MEGF11: variants seen among roughly 807,000 people sequenced by gnomAD.
MEGF11 encodes multiple EGF like domains 11.
Under a neutral mutation model 146.6 loss-of-function variants are expected in MEGF11, and 126 were observed. That is an observed-to-expected ratio of 0.86 (90% CI 0.74 to 1.00). The LOEUF is 1.00. Ranked by LOEUF, MEGF11 falls within the 50% of genes least tolerant of loss-of-function variation. MEGF11 has a pLI of 0.00. For missense variants in MEGF11, 1,509 were observed against 1,521.2 expected (o/e 0.99, Z 0.13); for synonymous variants, 532 against 583.4 (o/e 0.91, Z 1.27).
intron 1 of MEGF11, among the ~76,000 whole-genome samples, chr15:66,136,291 C>T (rs2088884767): frequency 6.6e-6 from 1 of 152,202 alleles, no homozygotes; most frequent in Non-Finnish European, 1.5e-5. Context: ...TTGCTGCCCA[C>T]CTCTCTGTCC....
chr15:66,165,509 G>A (rs999979545), intron 1 of MEGF11, among the ~76,000 whole-genome samples: 20 of 152,082 alleles, frequency 1.3e-4, no homozygotes, highest in African/African-American at 4.3e-4. Context: ...AAACTCTCTC[G>A]GTCCTTCTCT....
chr15:65,902,681 C>G (rs2078523967), intron 24 of MEGF11: 2 of 152,250 alleles, frequency 1.3e-5, no homozygotes, highest in South Asian at 4.1e-4. Flanking sequence ...ACCCAGGCTA[C>G]CCAAGCTCTG....
At chr15:66,078,374 C>A (rs1032513791) in intron 5 of MEGF11, among the ~76,000 whole-genome samples, 1 of 152,166 alleles carries the variant, frequency 6.6e-6, no homozygotes, top group Non-Finnish European at 1.5e-5. Flanking sequence ...TCACACTTGC[C>A]GTAGCCGAGT....
intron 10 of MEGF11, among the ~76,000 whole-genome samples, chr15:65,950,180 G>A (rs766698377): frequency 1.6e-4 from 25 of 152,204 alleles, no homozygotes; most frequent in Non-Finnish European, 3.4e-4. Context: ...AACAGCTAAT[G>A]CTTGTTGAAA....
intron 1 of MEGF11, among the ~76,000 whole-genome samples, chr15:66,250,209 C>G (rs1171566501): frequency 6.6e-6 from 1 of 152,246 alleles, no homozygotes; most frequent in Non-Finnish European, 1.5e-5. Flanking sequence ...AAGGTCACCA[C>G]TGCAGCTGCC....
chr15:65,961,293 T>C (rs991313329), intron 9 of MEGF11, among the ~76,000 whole-genome samples: 2 of 151,998 alleles, frequency 1.3e-5, no homozygotes, highest in African/African-American at 4.8e-5. Context: ...TGGTTTTTTC[T>C]TTTCTCCCAT....
intron 1 of MEGF11, among the ~76,000 whole-genome samples, chr15:66,232,460 A>G (rs970604606): frequency 6.6e-6 from 1 of 152,096 alleles, no homozygotes; most frequent in Non-Finnish European, 1.5e-5. Context: ...GCCTTGTGCC[A>G]TCTGAGCTCC....
In MEGF11 at chr15:66,160,302, G is replaced by C. The variant is rs1744123445; in HGVS notation, c.-8-31891C>G. Among the ~76,000 whole-genome samples the C allele has an allele frequency of 3.5e-5, 5 of 142,314 alleles. No homozygotes were observed. In the South Asian group the frequency reaches 6.6e-4, roughly 19 times the overall value. The allele number at this position is 142,314 out of a possible 152,430, so 93.4% of individuals were successfully genotyped here. ...CTCACTGCTTTCTGCCTAGAACGTG[G>C]ATGTGATACCTAAGGGTGCAGCAGC... On this transcript the variant is annotated intron_variant, in intron 1 of 25. Transcript: ENST00000395614.
chr15:66,020,849 A>AGGTGAGG (rs1328368060), intron 5 of MEGF11, among the ~76,000 whole-genome samples: 2 of 152,140 alleles, frequency 1.3e-5, no homozygotes, highest in African/African-American at 4.8e-5. Context: ...AAAGTTAGCC[A>AGGTGAGG]GGTGAGGTGG....
intron 8 of MEGF11, among the ~76,000 whole-genome samples, chr15:65,967,428 G>A (rs1371910042): frequency 6.6e-6 from 1 of 152,080 alleles, no homozygotes; most frequent in Non-Finnish European, 1.5e-5. Context: ...AGTAATCAGA[G>A]GGGAAAAGCA....
At chr15:66,242,670 T>C (rs925911904) in intron 1 of MEGF11, among the ~76,000 whole-genome samples, 2 of 152,146 alleles carry the variant, frequency 1.3e-5, no homozygotes, top group Non-Finnish European at 1.5e-5. Flanking sequence ...ACCACAATGC[T>C]GCACCATTCC....
At chr15:66,145,623 A>G (rs2089341537) in intron 1 of MEGF11, among the ~76,000 whole-genome samples, 1 of 152,196 alleles carries the variant, frequency 6.6e-6, no homozygotes, top group Non-Finnish European at 1.5e-5. Context: ...GTGAGAGGCT[A>G]CAATATGTGC....
chr15:66,071,370 A>G (rs1374788173), intron 5 of MEGF11, among the ~76,000 whole-genome samples: 1 of 152,178 alleles, frequency 6.6e-6, no homozygotes, highest in African/African-American at 2.4e-5. Flanking sequence ...ATCAGCTTCC[A>G]AGGTGCATGG....
At chr15:66,041,156 C>A (rs1008493463) in intron 5 of MEGF11, among the ~76,000 whole-genome samples, 2 of 152,170 alleles carry the variant, frequency 1.3e-5, no homozygotes, top group Admixed American at 6.5e-5. Context: ...AAGAAGCTGA[C>A]TTTTGAAAAT....
At chr15:65,948,996 A>G (rs2080296836) in intron 10 of MEGF11, among the ~76,000 whole-genome samples, 1 of 152,202 alleles carries the variant, frequency 6.6e-6, no homozygotes, top group South Asian at 2.1e-4. Flanking sequence ...CAATAGTGGG[A>G]GGTGAGGGGA....
intron 5 of MEGF11, among the ~76,000 whole-genome samples, chr15:66,066,011 A>T (rs1421535939): frequency 1.3e-5 from 2 of 152,150 alleles, no homozygotes; most frequent in East Asian, 1.9e-4. Flanking sequence ...TGAGACCTGA[A>T]AAAGCCATTT....
chr15:66,185,006 C>T (rs868726983), intron 1 of MEGF11, among the ~76,000 whole-genome samples: 2 of 152,126 alleles, frequency 1.3e-5, no homozygotes, highest in Non-Finnish European at 2.9e-5. Flanking sequence ...TGTTTCATTC[C>T]TGCTTGTCTC....
intron 3 of MEGF11, among the ~76,000 whole-genome samples, chr15:66,121,228 C>T (rs552747215): frequency 3.7e-4 from 56 of 152,342 alleles, no homozygotes; most frequent in African/African-American, 1.3e-3. Context: ...GCAAACTTGG[C>T]TCTCCCACTG....
intron 9 of MEGF11, 76 bp downstream of exon 9, chr15:65,964,832 C>A (rs769258472): frequency 1.6e-4 from 227 of 1,377,562 alleles, no homozygotes; most frequent in Non-Finnish European, 2.1e-4. Context: ...AGGTGGGGGG[C>A]CACATCCTAG....
Sources: allele counts gnomAD v4.1 joint callset (sites outside exome capture counted in the v4.1 genomes callset), GRCh38; gene constraint gnomAD v4.1.1; transcripts MANE v1.5; gene names NCBI Gene and HGNC (gene_info 2026-07-23, HGNC 2026-07-21).